FRAS1: variants seen among roughly 807,000 people sequenced by gnomAD.
The protein encoded by FRAS1 is extracellular matrix organizing protein FRAS1.
A neutral mutation model predicts 435.2 loss-of-function variants in FRAS1; 290 were observed. The ratio of observed to expected loss-of-function variants is 0.67; its 90% CI spans 0.61 to 0.73. The LOEUF (loss-of-function observed/expected upper bound fraction) is 0.73. Among genes scored for constraint, FRAS1 ranks in the 30% least tolerant of loss-of-function variants. The pLI is 0.00. For missense variants in FRAS1, 4,860 were observed against 5,001.5 expected, an observed-to-expected ratio of 0.97 and a Z score of 0.85; for synonymous variants, 1,800 against 1,851.0, an observed-to-expected ratio of 0.97 and a Z score of 0.71.
At chr4:78,513,653 C>T in intron 65 of FRAS1, 101 bp downstream of exon 65, 1 of 1,084,866 alleles carries the variant, frequency 9.2e-7, no homozygotes, top group Non-Finnish European at 1.4e-6. Context: ...TTTTCTGGTC[C>T]TCAGAATCCA....
intron 58 of FRAS1, 83 bp downstream of exon 58, chr4:78,482,618 C>A: frequency 7.1e-7 from 1 of 1,406,714 alleles, no homozygotes; most frequent in African/African-American, 1.4e-5. Context: ...CATTGGAACT[C>A]ATTCACATTT....
intron 38 of FRAS1, among the ~76,000 whole-genome samples, chr4:78,434,658 A>C (rs1475009079): frequency 6.6e-6 from 1 of 152,198 alleles, no homozygotes; most frequent in Non-Finnish European, 1.5e-5. Context: ...CTTGACAAAA[A>C]GTATTAGAAA....
chr4:78,259,034 A>G (rs1725942364), intron 6 of FRAS1, among the ~76,000 whole-genome samples: 1 of 129,034 alleles, frequency 7.7e-6, no homozygotes, highest in Admixed American at 8.0e-5. Flanking sequence ...AAGGACATGA[A>G]CTCATCATTT....
intron 34 of FRAS1, among the ~76,000 whole-genome samples, chr4:78,422,612 G>A (rs375759449): frequency 6.6e-6 from 1 of 152,120 alleles, no homozygotes; most frequent in African/African-American, 2.4e-5. Flanking sequence ...AAATGTGAAG[G>A]GTCAGGCAGA....
rs1269424586 is a variant in FRAS1 at position 78,230,202 on chromosome 4, G to A, written c.109-7308G>A. Among the ~76,000 whole-genome samples the A allele has an allele frequency of 2.6e-5, 4 of 152,188 alleles. No individual in the cohort carries two copies. In the East Asian group the frequency reaches 7.7e-4, roughly 29 times the overall value. ...TGCCAGGATGCTGAAATGGGAAACT[G>A]CTTAGGTTTTTGATGTGTAAAACAA... On this transcript the variant is annotated intron_variant, in intron 2 of 73. Transcript: ENST00000512123.
At chr4:78,181,400 C>T (rs1054876062) in intron 2 of FRAS1, 3 of 1,611,880 alleles carry the variant, frequency 1.9e-6, no homozygotes, top group South Asian at 2.2e-5. Context: ...GCTACCTCCA[C>T]GTTTGTCCTC....
At chr4:78,326,514 G>C (rs989146442) in intron 18 of FRAS1, among the ~76,000 whole-genome samples, 1 of 152,182 alleles carries the variant, frequency 6.6e-6, no homozygotes, top group Non-Finnish European at 1.5e-5. Context: ...TACATTAAGT[G>C]CATATAGGAT....
intron 59 of FRAS1, among the ~76,000 whole-genome samples, chr4:78,491,351 CA>C (rs890933593): frequency 5.9e-5 from 9 of 152,036 alleles, no homozygotes; most frequent in Non-Finnish European, 8.8e-5. Context: ...AGAAATGCAA[CA>C]AAAAAAAATT....
At chr4:78,307,476 T>G (rs1028535449) in intron 14 of FRAS1, among the ~76,000 whole-genome samples, 1 of 152,296 alleles carries the variant, frequency 6.6e-6, no homozygotes. Flanking sequence ...GCTGCCGCCT[T>G]GCAGTTTGAT....
intron 2 of FRAS1, among the ~76,000 whole-genome samples, chr4:78,202,245 C>T (rs1372615695): frequency 6.6e-6 from 1 of 152,198 alleles, no homozygotes; most frequent in East Asian, 1.9e-4. Context: ...TTACCTGGCT[C>T]ATGAGTGGAT....
chr4:78,446,780 G>A lies in FRAS1; in HGVS notation c.5910G>A (p.Leu1970=), dbSNP rs572419357. ...RMTLQPLRVQ[L]SSGVVISNSS... The stretch of plus-strand genomic sequence containing the variant: ...CCTTGCAGCCCCTCAGAGTGCAGCT[G>A]AGCTCGGGAGTGGTGATAAGCAATT... Residue 1970 remains leucine, a synonymous_variant, in exon 43 of 74, where the codon CTG becomes CTA. Coordinates refer to ENST00000512123, the MANE Select transcript of FRAS1 (RefSeq NM_025074.7). The A allele has an allele frequency of 1.1e-5, 18 of 1,613,516 alleles. No individual in the cohort carries two copies. The African/African-American group carries it at 2.1e-4, about 19-fold the overall frequency.
intron 61 of FRAS1, among the ~76,000 whole-genome samples, chr4:78,503,840 T>A (rs1203066319): frequency 6.6e-6 from 1 of 152,214 alleles, no homozygotes; most frequent in Non-Finnish European, 1.5e-5. Context: ...CTGCTTTCTC[T>A]TGTGAGCATT....
intron 40 of FRAS1, among the ~76,000 whole-genome samples, 182 bp downstream of exon 40, chr4:78,439,246 T>C (rs1282562511): frequency 1.3e-5 from 2 of 152,240 alleles, no homozygotes; most frequent in Admixed American, 6.5e-5. Flanking sequence ...AAAATAAATA[T>C]GCAGAAGATC....
At chr4:78,517,723 T>C (rs1296705293) in intron 66 of FRAS1, among the ~76,000 whole-genome samples, 1 of 152,160 alleles carries the variant, frequency 6.6e-6, no homozygotes, top group Non-Finnish European at 1.5e-5. Flanking sequence ...AGAATAGGCA[T>C]GCAGTAAATA....
rs747038850 is a variant in FRAS1, at chr4:78,521,616, AT to A, written c.10635del (p.His3545GlnfsTer9). On this transcript the variant is annotated frameshift_variant, in exon 68 of 74. Transcript: ENST00000512123. LOFTEE classifies it high-confidence loss of function. ...DGRLVIEFKT[H>X]AKFRGQFVME... ...CGTCTTGTCATTGAATTCAAGACCC[AT>A]GCCAAATTCAGAGGTAATATCAATG... 1 of 1,605,660 alleles carries A rather than the reference AT, an allele frequency of 6.2e-7. No homozygotes were observed. Among genetic ancestry groups the A allele is most frequent in the Non-Finnish European group, 8.5e-7 (1 of 1,175,724 alleles).
intron 29 of FRAS1, among the ~76,000 whole-genome samples, chr4:78,400,470 A>C (rs1300499841): frequency 1.3e-5 from 2 of 152,234 alleles, no homozygotes; most frequent in Admixed American, 1.3e-4. Context: ...TGAAAGAAAG[A>C]AATGGAGAGA....
At chr4:78,516,046 C>T (rs747344377) in intron 66 of FRAS1, 33 bp downstream of exon 66, 5 of 1,525,512 alleles carry the variant, frequency 3.3e-6, no homozygotes, top group Non-Finnish European at 4.5e-6. Context: ...GAGGACTCTG[C>T]ATATGGGTGC....
intron 14 of FRAS1, among the ~76,000 whole-genome samples, chr4:78,302,519 T>G (rs1728463741): frequency 6.6e-6 from 1 of 152,162 alleles, no homozygotes; most frequent in Non-Finnish European, 1.5e-5. Flanking sequence ...CAGCACCTGT[T>G]GTTTCCTGAC....
At chr4:78,395,941 G>C (rs954360757) in intron 29 of FRAS1, among the ~76,000 whole-genome samples, 1 of 151,628 alleles carries the variant, frequency 6.6e-6, no homozygotes, top group African/African-American at 2.4e-5. Flanking sequence ...TGTCTCTCTT[G>C]CTGTTTGCCT....
Sources: allele counts gnomAD v4.1 joint callset (sites outside exome capture counted in the v4.1 genomes callset), GRCh38; gene constraint gnomAD v4.1.1; transcripts MANE v1.5; gene names NCBI Gene and HGNC (gene_info 2026-07-23, HGNC 2026-07-21).